Variants in RAD51B observed in about 807,000 individuals in gnomAD.
The protein encoded by RAD51B is DNA repair protein RAD51 homolog 2.
Under a neutral mutation model 42.2 loss-of-function variants are expected in RAD51B, and 38 were observed. The observed-to-expected ratio is 0.90, with a 90% CI of 0.70 to 1.18. RAD51B has a LOEUF of 1.18. RAD51B is among the 50% of genes most tolerant of loss of function. The probability of loss-of-function intolerance (pLI) is 0.00; values close to 1 mark genes in which losing one functional copy is unlikely to be tolerated. For missense variants in RAD51B, 373 were observed against 400.7 expected (o/e 0.93, Z 0.59); for synonymous variants, 154 against 145.2 (o/e 1.06, Z -0.43).
At chr14:68,407,910 G>T (rs1270243334) in intron 8 of RAD51B, among the ~76,000 whole-genome samples, 1 of 152,182 alleles carries the variant, frequency 6.6e-6, no homozygotes, top group Non-Finnish European at 1.5e-5. Context: ...TTGAATGCCA[G>T]TGTTAGGAAT....
chr14:67,842,205 T>A (rs1472460044), intron 4 of RAD51B, among the ~76,000 whole-genome samples: 1 of 152,202 alleles, frequency 6.6e-6, no homozygotes, highest in Non-Finnish European at 1.5e-5. Context: ...GTTATTGGTG[T>A]ATAGAAAAGC....
intron 7 of RAD51B, among the ~76,000 whole-genome samples, chr14:67,909,426 A>G (rs2043890130): frequency 1.3e-5 from 2 of 152,350 alleles, no homozygotes; most frequent in South Asian, 4.1e-4. Context: ...TGGAGGAACA[A>G]TTTGACAAAA....
intron 7 of RAD51B, among the ~76,000 whole-genome samples, chr14:68,213,020 A>G (rs760187251): frequency 2.6e-5 from 4 of 152,182 alleles, no homozygotes; most frequent in Non-Finnish European, 5.9e-5. Flanking sequence ...ACTAATGTCC[A>G]TCTGGAGAGG....
At chr14:68,529,291 G>A (rs1421045918) in intron 10 of RAD51B, among the ~76,000 whole-genome samples, 1 of 152,186 alleles carries the variant, frequency 6.6e-6, no homozygotes, top group Non-Finnish European at 1.5e-5. Context: ...CCTCCTCCTA[G>A]GTTCAGGCAA....
chr14:68,262,729 CT>C (rs1049139517), intron 7 of RAD51B, among the ~76,000 whole-genome samples: 1 of 152,184 alleles, frequency 6.6e-6, no homozygotes, highest in African/African-American at 2.4e-5. Context: ...TACTTTCCCC[CT>C]GCCCTTCTCT....
At chr14:67,843,798 C>T (rs559569043) in intron 4 of RAD51B, among the ~76,000 whole-genome samples, 20 of 151,262 alleles carry the variant, frequency 1.3e-4, no homozygotes, top group African/African-American at 4.8e-4. Context: ...GAACAAACTC[C>T]TTGATTCTTT....
At chr14:68,648,001 G>C (rs1236095971) in intron 10 of RAD51B, among the ~76,000 whole-genome samples, 1 of 50,428 alleles carries the variant, frequency 2.0e-5, no homozygotes, top group Non-Finnish European at 4.0e-5. Flanking sequence ...TTTAAAAATT[G>C]AGCATATATA....
intron 7 of RAD51B, among the ~76,000 whole-genome samples, chr14:67,910,916 T>C (rs1595095742): frequency 6.6e-6 from 1 of 151,656 alleles, no homozygotes; most frequent in African/African-American, 2.4e-5. Context: ...GGTTCAAGCA[T>C]TTCTCTTGCC....
chr14:67,840,434 G>T (rs1256455505), intron 4 of RAD51B, among the ~76,000 whole-genome samples: 1 of 152,104 alleles, frequency 6.6e-6, no homozygotes, highest in Non-Finnish European at 1.5e-5. Context: ...ACCAAGAGCT[G>T]CATCCATGTT....
At chr14:68,000,236 T>C (rs2075456435) in intron 7 of RAD51B, 1 of 152,140 alleles carries the variant, frequency 6.6e-6, no homozygotes, top group African/African-American at 2.4e-5. Context: ...ATCATTTCAT[T>C]AATATTAAAC....
At chr14:68,284,774 C>T (rs189632805) in intron 7 of RAD51B, among the ~76,000 whole-genome samples, 19 of 150,140 alleles carry the variant, frequency 1.3e-4, no homozygotes, top group South Asian at 2.1e-4. Flanking sequence ...TTTTTTTAAT[C>T]GTGGAATGAT....
intron 7 of RAD51B, among the ~76,000 whole-genome samples, chr14:68,087,129 C>T (rs2076997452): frequency 6.7e-6 from 1 of 150,032 alleles, no homozygotes; most frequent in Admixed American, 6.6e-5. Context: ...GAGTGAAACG[C>T]CATCTCAAAA....
intron 7 of RAD51B, among the ~76,000 whole-genome samples, chr14:68,266,259 C>G (rs1406173051): frequency 1.3e-5 from 2 of 152,210 alleles, no homozygotes; most frequent in Non-Finnish European, 2.9e-5. Context: ...TTATGTGACA[C>G]TGAAGCCCTT....
chr14:68,128,438 T>G (rs11849196), intron 7 of RAD51B, among the ~76,000 whole-genome samples: 15,711 of 152,214 alleles, frequency 0.1, 2,459 homozygotes, highest in African/African-American at 0.34. Context: ...CTCACTCGTA[T>G]AATCCCAGCA....
At chr14:68,076,034 G>A (rs2076828669) in intron 7 of RAD51B, among the ~76,000 whole-genome samples, 3 of 152,218 alleles carry the variant, frequency 2.0e-5, no homozygotes, top group Non-Finnish European at 1.5e-5. Context: ...GCAGGGTTTA[G>A]GGGTACTTTC....
intron 7 of RAD51B, among the ~76,000 whole-genome samples, chr14:68,159,413 A>T (rs1438635699): frequency 6.6e-6 from 1 of 152,066 alleles, no homozygotes; most frequent in Non-Finnish European, 1.5e-5. Context: ...TGAGGTCAGG[A>T]GTTCGAGACA....
At chr14:68,069,011 G>GA (rs2076698645) in intron 7 of RAD51B, among the ~76,000 whole-genome samples, 1 of 152,058 alleles carries the variant, frequency 6.6e-6, no homozygotes, top group South Asian at 2.1e-4. Context: ...TTGCTTTTAG[G>GA]AAACAGCAGA....
At chr14:68,609,352 C>T (rs1276499679) in intron 10 of RAD51B, among the ~76,000 whole-genome samples, 1 of 152,116 alleles carries the variant, frequency 6.6e-6, no homozygotes, top group East Asian at 1.9e-4. Flanking sequence ...AGATCCCCAC[C>T]TCTACCTTCT....
chr14:67,862,208 G>A (rs1028056158), intron 4 of RAD51B, among the ~76,000 whole-genome samples: 3 of 151,926 alleles, frequency 2.0e-5, no homozygotes, highest in Non-Finnish European at 2.9e-5. Context: ...ATTCTACAGT[G>A]TACTATAAAC....
Sources: allele counts gnomAD v4.1 joint callset (sites outside exome capture counted in the v4.1 genomes callset), GRCh38; gene constraint gnomAD v4.1.1; transcripts MANE v1.5; gene names NCBI Gene and HGNC (gene_info 2026-07-23, HGNC 2026-07-21).